The following CWH43 variants were observed in gnomAD, a reference collection of about 807,000 sequenced individuals.
CWH43 encodes the protein cell wall biogenesis 43 C-terminal homolog.
CWH43 carries 91 observed loss-of-function variants against 85.7 expected under a neutral mutation model. That is an observed-to-expected ratio of 1.06 (90% confidence interval 0.90 to 1.26). The LOEUF is 1.26. CWH43 is among the 50% of genes most tolerant of loss of function. The pLI is 0.00. For synonymous variants in CWH43, 323 were observed against 293.6 expected (o/e 1.10, Z -1.02); for missense variants, 869 against 839.2 (o/e 1.04, Z -0.44).
intron 9 of CWH43, among the ~76,000 whole-genome samples, chr4:49,022,908 T>C (rs1783796715): frequency 6.6e-6 from 1 of 152,216 alleles, no homozygotes; most frequent in Non-Finnish European, 1.5e-5. Flanking sequence ...CTGTTTTGTT[T>C]CTAATTGAAC....
intron 9 of CWH43, among the ~76,000 whole-genome samples, chr4:49,025,595 A>G (rs1377727127): frequency 5.9e-5 from 9 of 152,120 alleles, no homozygotes; most frequent in African/African-American, 2.2e-4. Context: ...GGACTTTCTG[A>G]GAGCTGAACT....
At chr4:49,005,255 G>T (rs139002858) in intron 7 of CWH43, among the ~76,000 whole-genome samples, 1 of 152,238 alleles carries the variant, frequency 6.6e-6, no homozygotes, top group Admixed American at 6.5e-5. Flanking sequence ...TTTGTTACAT[G>T]CATAGGTTGC....
chr4:49,038,167 A>T lies in CWH43; in HGVS notation c.1790A>T (p.His597Leu). The T allele has an allele frequency of 6.3e-7, 1 of 1,580,740 alleles. No individual in the cohort carries two copies. Among genetic ancestry groups the T allele is most frequent in the Non-Finnish European group, 8.6e-7 (1 of 1,164,798 alleles). The change falls in exon 13 of 16, where the codon CAT (histidine) becomes CTT (leucine). Residue 597 changes from histidine to leucine, a missense_variant. This residue lies in a region of CWH43 where 577 missense variants were observed against 513.1 expected (regional missense o/e 1.12). Transcript: ENST00000226432. ...AGAGATTATCTACAGCTCACTGAAC[A>T]TGGCAATGTGAAGGTAACATAATCT... ...GSRDYLQLTEHGNVKDIDSTD... is the reference protein window; with the variant it reads ...GSRDYLQLTELGNVKDIDSTD...
intron 2 of CWH43, among the ~76,000 whole-genome samples, chr4:48,990,346 G>A (rs1418173997): frequency 6.6e-6 from 1 of 152,154 alleles, no homozygotes; most frequent in East Asian, 1.9e-4. Flanking sequence ...TGCTGTTCCA[G>A]GTGACCATTG....
chr4:49,044,148 A>G (rs1056482469), intron 13 of CWH43, among the ~76,000 whole-genome samples: 3 of 152,186 alleles, frequency 2.0e-5, no homozygotes, highest in East Asian at 1.9e-4. Context: ...AGTTTTCCCA[A>G]CACATGATAG....
At chr4:48,993,047 TAC>T (rs1782703458) in intron 4 of CWH43, among the ~76,000 whole-genome samples, 2 of 152,158 alleles carry the variant, frequency 1.3e-5, no homozygotes, top group African/African-American at 2.4e-5. Flanking sequence ...AACTTCAGGG[TAC>T]TGTTTACATC....
At chr4:49,058,277 GAT>G (rs1352916665) in intron 15 of CWH43, among the ~76,000 whole-genome samples, 2 of 151,992 alleles carry the variant, frequency 1.3e-5, no homozygotes, top group Middle Eastern at 6.8e-3. Context: ...TTTATTTGTA[GAT>G]ACTATGAGTC....
Position 48,992,042 on chromosome 4 carries a change from G to A in CWH43, c.463G>A (p.Val155Met), listed in dbSNP as rs1223902357. The A allele has an allele frequency of 2.5e-6, 4 of 1,614,078 alleles. No homozygotes were observed. The highest frequency in any genetic ancestry group is 3.4e-6 in the Non-Finnish European group (4 of 1,179,944). The change falls in exon 4 of 16, where the codon GTG becomes ATG. Residue 155 changes from valine (V) to methionine (M), a missense_variant. Val to Met is a conservative substitution (Grantham distance 21). This residue lies in a region of CWH43 where 152 missense variants were observed against 203.6 expected (regional missense o/e 0.75). Transcript: ENST00000226432. This position sits in a 1 kb window ranked among gnomAD's most constrained non-coding sequence, Gnocchi z 4.3. ...CTGGAGTTATCAGATGTCCAACAAAGTGATACTGACATTAAGTGCCATAGC... is the reference window on the plus strand; with the variant it reads ...CTGGAGTTATCAGATGTCCAACAAAATGATACTGACATTAAGTGCCATAGC... The part of the protein sequence containing the change: ...PIWSYQMSNK[V>M]ILTLSAIATL...
intron 8 of CWH43, among the ~76,000 whole-genome samples, chr4:49,012,009 A>T (rs1485802061): frequency 6.6e-6 from 1 of 152,074 alleles, no homozygotes; most frequent in Non-Finnish European, 1.5e-5. Flanking sequence ...CCTGAATTTG[A>T]ATGTTGGCTT....
chr4:49,000,946 C>T (rs1320308378), intron 6 of CWH43, among the ~76,000 whole-genome samples: 2 of 152,214 alleles, frequency 1.3e-5, no homozygotes, highest in Non-Finnish European at 2.9e-5. Context: ...TACTCACCTG[C>T]AATAAGTTGG....
intron 14 of CWH43, among the ~76,000 whole-genome samples, chr4:49,050,238 C>A (rs555346734): frequency 6.6e-6 from 1 of 152,240 alleles, no homozygotes; most frequent in East Asian, 1.9e-4. Context: ...AAGCTCTAAG[C>A]CAAAACGGGA....
rs542496844 is a variant in CWH43, at chr4:49,005,349, C to A, written c.1060+1357C>A. ...CATTAATCAATTTCTCATCATTGCC[C>A]CCTTTCCCACCCTCTCACTCTTCTG... is the stretch of plus-strand genomic sequence containing the variant. On this transcript the variant is annotated intron_variant, in intron 7 of 15. Coordinates refer to ENST00000226432, the MANE Select transcript of CWH43 (RefSeq NM_025087.3). Among the ~76,000 whole-genome samples, 33 of 152,166 alleles carry A rather than the reference C, an allele frequency of 2.2e-4. No homozygotes were observed. The South Asian group carries it at 6.9e-3, about 32-fold the overall frequency.
chr4:49,004,569 TG>T (rs926364491), intron 7 of CWH43, among the ~76,000 whole-genome samples: 2 of 152,254 alleles, frequency 1.3e-5, no homozygotes, highest in Admixed American at 1.3e-4. Flanking sequence ...AAAAATTTTT[TG>T]TAGAGACAGG....
At chr4:49,041,220 A>G (rs955695576) in intron 13 of CWH43, among the ~76,000 whole-genome samples, 10 of 152,264 alleles carry the variant, frequency 6.6e-5, no homozygotes, top group African/African-American at 1.2e-4. Flanking sequence ...TTGACTTGGC[A>G]ATGCGGGCTC....
chr4:49,007,318 T>A lies in CWH43; in HGVS notation c.1178T>A (p.Met393Lys). Residue 393 changes from methionine (M) to lysine (K), a missense_variant, in exon 8 of 16, where the codon ATG becomes AAG. By Grantham distance (95) the Met-to-Lys change is moderately conservative. Around this residue, in one of 3 missense-constraint regions of CWH43, gnomAD observed 577 missense variants for 513.1 expected, o/e 1.12. Transcript: ENST00000226432. Reference protein sequence around the residue: ...KVLFRKSEKYMKLFLWLLVGV... With the variant: ...KVLFRKSEKYKKLFLWLLVGV... Reference sequence around the variant, plus strand: ...CTTTTCAGAAAGAGTGAAAAATACATGAAACTTTGTAAGTATAGTTTTACA... The same window carrying A: ...CTTTTCAGAAAGAGTGAAAAATACAAGAAACTTTGTAAGTATAGTTTTACA... 6.3e-7 allele frequency: 1 copy of A among 1,593,292 alleles called. No individual in the cohort carries two copies. Among genetic ancestry groups the A allele is most frequent in the Non-Finnish European group, 8.5e-7 (1 of 1,172,726 alleles).
In CWH43 at chr4:49,003,959, G is replaced by C; in HGVS notation, c.1027G>C (p.Val343Leu). The C allele has an allele frequency of 6.2e-7, 1 of 1,612,982 alleles. No individual in the cohort carries two copies. The highest frequency in any genetic ancestry group is 8.5e-7 in the Non-Finnish European group (1 of 1,179,774). The stretch of plus-strand genomic sequence containing the variant: ...AGCTTTTAAGTTTGTCCCAGGAGGT[G>C]TCTACGCTAGAGAAAGATCAGATGT... The part of the protein sequence containing the change: ...CTAFKFVPGG[V>L]YARERSDVLL... The change falls in exon 7 of 16, where the codon GTC becomes CTC. Residue 343 changes from valine (V) to leucine (L), a missense_variant. By Grantham distance (32) the Val-to-Leu change is conservative. Coordinates refer to ENST00000226432, the MANE Select transcript of CWH43 (RefSeq NM_025087.3).
At chr4:49,056,410 A>G (rs1255020513) in intron 15 of CWH43, among the ~76,000 whole-genome samples, 1 of 152,076 alleles carries the variant, frequency 6.6e-6, no homozygotes, top group Non-Finnish European at 1.5e-5. Context: ...GATTGTTACT[A>G]TGAACTGGTC....
At chr4:49,016,343 C>G (rs995414740) in intron 8 of CWH43, among the ~76,000 whole-genome samples, 2 of 152,124 alleles carry the variant, frequency 1.3e-5, no homozygotes, top group Non-Finnish European at 2.9e-5. Context: ...CAGGAGTGGG[C>G]ACCATGGAAG....
chr4:49,041,261 T>G (rs1784453164), intron 13 of CWH43, among the ~76,000 whole-genome samples: 2 of 152,178 alleles, frequency 1.3e-5, no homozygotes, highest in South Asian at 4.1e-4. Context: ...TTTAAAGTAG[T>G]TTTTTCCAAT....
Sources: gnomAD v4.1 joint callset for allele counts (sites outside exome capture counted in the v4.1 genomes callset) on GRCh38, gnomAD v4.1.1 for gene constraint, gnomAD v4.1.1 regional missense constraint, Gnocchi (gnomAD v3.1) non-coding constraint, MANE v1.5 for transcripts, NCBI Gene and HGNC (gene_info 2026-07-23, HGNC 2026-07-21) for gene names.